The following RPSA variants were observed in gnomAD, a reference collection of about 807,000 sequenced individuals.
RPSA encodes the protein ribosomal protein SA.
For synonymous variants in RPSA, 103 were observed against 126.7 expected, an observed-to-expected ratio of 0.81 and a Z score of 1.25; for missense variants, 140 against 372.8, an observed-to-expected ratio of 0.38 and a Z score of 5.14.
At chr3:39,409,084 CAA>C (rs752029969) in intron 3 of RPSA, 156 of 78,306 alleles carry the variant, frequency 2.0e-3, no homozygotes, top group South Asian at 0.011. Context: ...GACTCTGTCT[CAA>C]AAAAAAAAAA....
At chr3:39,408,098 C>G in intron 2 of RPSA, 1 of 382,800 alleles carries the variant, frequency 2.6e-6, no homozygotes, top group South Asian at 2.3e-5. Context: ...GGCTATTGAA[C>G]TGAATTTTGA....
At chr3:39,408,442 G>A (rs2041953115) in intron 2 of RPSA, 164 bp from the exon 3 acceptor site, 1 of 772,284 alleles carries the variant, frequency 1.3e-6, no homozygotes, top group Admixed American at 1.7e-5. Flanking sequence ...ATGAACTTCT[G>A]AGTGTCGGAA....
chr3:39,410,894 C>T lies in RPSA; in HGVS notation c.393C>T (p.His131=). 6.3e-7 allele frequency: 1 copy of T among 1,591,918 alleles called. No individual in the cohort carries two copies. Among genetic ancestry groups the T allele is most frequent in the Non-Finnish European group, 8.5e-7 (1 of 1,172,472 alleles). ...LLVVTDPRAD[H]QPLTEASYVN... ...TGGTTACTGACCCCAGGGCTGACCA[C>T]CAGCCTCTCACGGAGGCATCTTATG... The change falls in exon 4 of 7, where the codon CAC becomes CAT. Residue 131 remains histidine, a synonymous_variant. Transcript: ENST00000301821.
chr3:39,407,517 C>T (rs2041937242), intron 1 of RPSA, 104 bp from the exon 2 acceptor site: 2 of 838,146 alleles, frequency 2.4e-6, no homozygotes, highest in Admixed American at 1.7e-5. Flanking sequence ...ACACTGTAAG[C>T]TCAATGCCTG....
intron 1 of RPSA, among the ~76,000 whole-genome samples, chr3:39,407,299 A>T (rs1329868002): frequency 6.6e-6 from 1 of 152,214 alleles, no homozygotes; most frequent in African/African-American, 2.4e-5. Flanking sequence ...TATTCCAAAC[A>T]TGGCTGCTCT....
At chr3:39,408,217 C>A in intron 2 of RPSA, 1 of 388,318 alleles carries the variant, frequency 2.6e-6, no homozygotes, top group Non-Finnish European at 4.9e-6. Flanking sequence ...ATAAAGCTAC[C>A]AAGGACTTGG....
chr3:39,407,948 GAAA>G (rs1431943559), intron 2 of RPSA, 162 bp downstream of exon 2: 3 of 617,442 alleles, frequency 4.9e-6, no homozygotes, highest in Non-Finnish European at 8.4e-6. Context: ...GTTATTGAGA[GAAA>G]AGATTTCTGC....
chr3:39,407,838 A>T, intron 2 of RPSA, 52 bp downstream of exon 2: 1 of 1,497,786 alleles, frequency 6.7e-7, no homozygotes, highest in Non-Finnish European at 9.2e-7. Flanking sequence ...ACAAATTTTG[A>T]GCTTGCTATT....
rs1400317405 is a variant in RPSA, at chr3:39,407,803, A to AT, written c.133+23dup. 2 of 1,595,290 alleles carry AT rather than the reference A, an allele frequency of 1.3e-6. No individual in the cohort carries two copies. The highest frequency in any genetic ancestry group is 2.2e-5 in the South Asian group (2 of 90,908). The stretch of plus-strand genomic sequence containing the variant: ...AAAGTGATGGTTAGTCATTGCTTTA[A>AT]TTTTTTGTTACTCCAGCTGTAAGTA... On this transcript the variant is annotated intron_variant, in intron 2 of 6. Transcript: ENST00000301821.
In RPSA at chr3:39,410,801, T is replaced by G. The variant is rs751736162; in HGVS notation, c.300T>G (p.Ala100=). 6.2e-6 allele frequency: 10 copies of G among 1,612,542 alleles called. No homozygotes were observed. The highest frequency in any genetic ancestry group is 5.9e-6 in the Non-Finnish European group (7 of 1,179,672). ...FAAATGATPI[A]GRFTPGTFTN... is the part of the protein sequence containing the mutation. ...CTGCCACTGGAGCCACTCCAATTGC[T>G]GGCCGCTTCACTCCTGGAACCTTCA... Residue 100 remains alanine (A), a synonymous_variant, in exon 4 of 7, where the codon GCT becomes GCG. Coordinates refer to ENST00000301821, the MANE Select transcript of RPSA (RefSeq NM_002295.6).
intron 4 of RPSA, 196 bp downstream of exon 4, chr3:39,411,195 C>G (rs768909590): frequency 3.4e-5 from 26 of 764,848 alleles, no homozygotes; most frequent in South Asian, 3.4e-4. Context: ...GATAGTAATT[C>G]TTGCTACAAG....
chr3:39,407,225 T>G, intron 1 of RPSA: 1 of 344,418 alleles, frequency 2.9e-6, no homozygotes, highest in South Asian at 2.2e-5. Context: ...TTCCAAAGCA[T>G]CCGCCTACAA....
chr3:39,409,602 T>C (rs1327835143), intron 3 of RPSA, among the ~76,000 whole-genome samples: 2 of 152,212 alleles, frequency 1.3e-5, no homozygotes, highest in Admixed American at 1.3e-4. Flanking sequence ...AGAAATTCTA[T>C]TAAAGTGGCT....
chr3:39,407,003 G>C (rs1278995907), intron 1 of RPSA: 2 of 453,188 alleles, frequency 4.4e-6, no homozygotes, highest in Non-Finnish European at 8.9e-6. Context: ...GCTGGGGTTC[G>C]GACCAGGCCG....
chr3:39,406,924 G>A (rs1159982123), intron 1 of RPSA, 160 bp downstream of exon 1: 4 of 454,414 alleles, frequency 8.8e-6, no homozygotes, highest in African/African-American at 8.0e-5. Flanking sequence ...CACGTGGCCA[G>A]GCTCGGGCTG....
intron 6 of RPSA, 65 bp downstream of exon 6, chr3:39,412,126 T>C (rs2125596306): frequency 2.7e-6 from 4 of 1,476,102 alleles, no homozygotes; most frequent in South Asian, 2.3e-5. Context: ...ATTCTAACTT[T>C]AATGATCTCT....
chr3:39,407,488 T>G, intron 1 of RPSA, 133 bp from the exon 2 acceptor site: 1 of 745,970 alleles, frequency 1.3e-6, no homozygotes, highest in Non-Finnish European at 2.4e-6. Context: ...ATGGGTTAAC[T>G]TTCTGTTTAC....
chr3:39,408,938 T>C (rs1388948965), intron 3 of RPSA: 12 of 483,738 alleles, frequency 2.5e-5, no homozygotes, highest in Non-Finnish European at 3.0e-5. Flanking sequence ...TACAAAAAAT[T>C]AGTTGGGCGT....
chr3:39,408,962 T>C, intron 3 of RPSA: 3 of 439,258 alleles, frequency 6.8e-6, no homozygotes, highest in Non-Finnish European at 1.3e-5. Context: ...GGCGGGTGCC[T>C]GTAGTCCCAG....
Sources: allele counts gnomAD v4.1 joint callset (sites outside exome capture counted in the v4.1 genomes callset), GRCh38; gene constraint gnomAD v4.1.1; transcripts MANE v1.5; gene names NCBI Gene and HGNC (gene_info 2026-07-23, HGNC 2026-07-21).